PUM3: variants seen among roughly 807,000 people sequenced by gnomAD.
PUM3 encodes pumilio RNA binding family member 3.
Under a neutral mutation model 84.0 loss-of-function variants are expected in PUM3, and 91 were observed. The observed-to-expected ratio is 1.08, with a 90% confidence interval of 0.91 to 1.29. The LOEUF (loss-of-function observed/expected upper bound fraction) is 1.29. Ranked by LOEUF, PUM3 falls within the 50% of genes most tolerant of loss-of-function variation. The pLI, the probability that PUM3 is intolerant of heterozygous loss-of-function variation, is 0.00. For missense variants in PUM3, 1,067 were observed against 767.5 expected (o/e 1.39, Z -4.61); for synonymous variants, 321 against 266.7 (o/e 1.20, Z -1.98).
intron 1 of PUM3, among the ~76,000 whole-genome samples, chr9:2,840,319 G>A (rs1816236030): frequency 6.6e-6 from 1 of 152,120 alleles, no homozygotes; most frequent in African/African-American, 2.4e-5. Flanking sequence ...GGAAAATTAA[G>A]CTCCACTTCC....
intron 12 of PUM3, among the ~76,000 whole-genome samples, chr9:2,822,525 C>G (rs1808649118): frequency 6.6e-6 from 1 of 151,518 alleles, no homozygotes; most frequent in Admixed American, 6.6e-5. Context: ...GTTAAATTAC[C>G]TGACATAAAC....
At chr9:2,822,105 C>T (rs1407794102) in intron 12 of PUM3, among the ~76,000 whole-genome samples, 1 of 152,070 alleles carries the variant, frequency 6.6e-6, no homozygotes, top group East Asian at 1.9e-4. Flanking sequence ...GTGAATACAA[C>T]AGAAGGTGGT....
intron 13 of PUM3, among the ~76,000 whole-genome samples, chr9:2,817,884 A>G (rs1422676218): frequency 6.6e-6 from 1 of 152,156 alleles, no homozygotes; most frequent in African/African-American, 2.4e-5. Context: ...GCAATTGGCT[A>G]GTATACTTAT....
At chr9:2,816,522 C>T (rs1821472889) in intron 13 of PUM3, among the ~76,000 whole-genome samples, 2 of 152,164 alleles carry the variant, frequency 1.3e-5, no homozygotes, top group South Asian at 4.1e-4. Context: ...ATGTAGTTTA[C>T]CTCAATTAAA....
At chr9:2,841,725 A>G (rs1816272007) in intron 1 of PUM3, among the ~76,000 whole-genome samples, 1 of 152,128 alleles carries the variant, frequency 6.6e-6, no homozygotes, top group African/African-American at 2.4e-5. Context: ...AAAAAAAAAA[A>G]AAAAAGGTTC....
In PUM3 at chr9:2,807,842, C is replaced by A. The variant is rs765743362; in HGVS notation, c.1786G>T (p.Val596Leu). ...GMKNLKSWAS[V>L]NRGAIILSSL... ...GAAAGAATAATGGCACCTCGATTTA[C>A]ACTAGCCCAGGACTTCAGGTTCTTC... The change falls in exon 17 of 18, where the codon GTA (valine) becomes TTA (leucine). Residue 596 changes from valine (V) to leucine (L), a missense_variant. Transcript: ENST00000397885. 7.8e-5 allele frequency: 126 copies of A among 1,613,528 alleles called. 2 individuals are homozygous for A. In the South Asian group the frequency reaches 1.4e-3, roughly 17 times the overall value.
chr9:2,835,151 G>A (rs371797688), intron 3 of PUM3, among the ~76,000 whole-genome samples: 12 of 152,092 alleles, frequency 7.9e-5, no homozygotes, highest in Non-Finnish European at 1.5e-4. Flanking sequence ...AGTGGCTCAC[G>A]CCTATAATCC....
intron 16 of PUM3, among the ~76,000 whole-genome samples, 197 bp downstream of exon 16, chr9:2,810,147 A>G (rs1821335654): frequency 1.3e-5 from 2 of 152,146 alleles, no homozygotes. Flanking sequence ...GAAAATTAAA[A>G]GAGTTCTCAG....
rs1191432306 is a variant in PUM3 at position 2,830,955 on chromosome 9, A to G, written c.677+7T>C. ...AAAAAATGTATTTTATACATAAAAC[A>G]ACTTACCCATACATGAGAAATTTCT... On this transcript the variant is annotated splice_region_variant and intron_variant, in intron 7 of 17. Coordinates refer to ENST00000397885, the MANE Select transcript of PUM3 (RefSeq NM_014878.5). The G allele has an allele frequency of 9.0e-6, 12 of 1,338,920 alleles. No individual in the cohort carries two copies. Among genetic ancestry groups the G allele is most frequent in the Non-Finnish European group, 5.3e-6 (5 of 940,230 alleles). The allele number at this position is 1,338,920 out of a possible 1,614,324, so 82.9% of individuals were successfully genotyped here. A position where few individuals can be genotyped will look rare whatever the true frequency, so the allele number is the denominator to read the frequency against.
In PUM3 at chr9:2,816,140, C is replaced by T. The variant is rs941083794; in HGVS notation, c.1270-3778G>A. On this transcript the variant is annotated intron_variant, in intron 13 of 17. Transcript: ENST00000397885. ...CTGAAGACTGAGCCTGTGGTGTCCA[C>T]TCTTACGGTAGTTTGCTATGGGGAC... Among the ~76,000 whole-genome samples the T allele has an allele frequency of 5.9e-5, 9 of 152,314 alleles. 1 individual carries two copies. Among genetic ancestry groups the T allele is most frequent in the Non-Finnish European group, 8.8e-5 (6 of 68,032 alleles).
chr9:2,812,155 G>A, intron 14 of PUM3, 65 bp downstream of exon 14: 4 of 1,395,976 alleles, frequency 2.9e-6, no homozygotes, highest in Middle Eastern at 1.9e-4. Context: ...GTGGACTTCT[G>A]GAAGAATGCA....
At position 2,811,473 on chromosome 9, in the gene PUM3, C is replaced by A. The variant is rs983969962; in HGVS notation, c.1523G>T (p.Cys508Phe). The stretch of plus-strand genomic sequence containing the variant: ...TCCCAGAATGTCAGACACCAACACA[C>A]ACGCAGACTTATCTAGCACCACTTC... The part of the protein sequence containing the change: ...AQEVVLDKSA[C>F]VLVSDILGSA... The change falls in exon 15 of 18, where the codon TGT becomes TTT. Residue 508 changes from cysteine (C) to phenylalanine (F), a missense_variant. Coordinates refer to ENST00000397885, the MANE Select transcript of PUM3 (RefSeq NM_014878.5). 3 of 1,614,202 alleles carry A rather than the reference C, an allele frequency of 1.9e-6. No individual in the cohort carries two copies. The Admixed American group carries it at 5.0e-5, about 27-fold the overall frequency.
At chr9:2,821,590 G>C (rs1753873456) in intron 12 of PUM3, among the ~76,000 whole-genome samples, 1 of 152,122 alleles carries the variant, frequency 6.6e-6, no homozygotes, top group Admixed American at 6.5e-5. Context: ...ATGGGTGATG[G>C]TGAAAACCTC....
intron 12 of PUM3, among the ~76,000 whole-genome samples, chr9:2,820,932 G>A (rs1165804663): frequency 6.6e-6 from 1 of 152,166 alleles, no homozygotes; most frequent in Non-Finnish European, 1.5e-5. Flanking sequence ...TCCAGAGCTT[G>A]TGGCATGAGT....
Position 2,837,421 on chromosome 9 carries a change from T to C in PUM3, c.83-20A>G. The stretch of plus-strand genomic sequence containing the variant: ...CAGAATCTAGTGACAATAATAATTA[T>C]AAGTTCAATGATTCTGGGCCCAAAT... On this transcript the variant is annotated intron_variant, in intron 2 of 17. Transcript: ENST00000397885. The C allele has an allele frequency of 6.6e-7, 1 of 1,505,644 alleles. No homozygotes were observed. The highest frequency in any genetic ancestry group is 9.2e-7 in the Non-Finnish European group (1 of 1,088,040). The allele number at this position is 1,505,644 out of a possible 1,614,324, so 93.3% of individuals were successfully genotyped here.
chr9:2,825,378 AC>A (rs1050050577), intron 10 of PUM3, among the ~76,000 whole-genome samples: 1 of 152,174 alleles, frequency 6.6e-6, no homozygotes, highest in African/African-American at 2.4e-5. Context: ...CTAAGACCTC[AC>A]CTATAAAATG....
chr9:2,807,600 CAAA>C (rs71329449), intron 17 of PUM3, among the ~76,000 whole-genome samples: 1 of 67,114 alleles, frequency 1.5e-5, no homozygotes. Context: ...GACTCCATCT[CAAA>C]AAAAAAAAAA....
At chr9:2,825,702 G>T (rs948857840) in intron 10 of PUM3, among the ~76,000 whole-genome samples, 1 of 152,000 alleles carries the variant, frequency 6.6e-6, no homozygotes, top group Non-Finnish European at 1.5e-5. Flanking sequence ...GGCTGGTCTC[G>T]AACTACTGAC....
intron 17 of PUM3, among the ~76,000 whole-genome samples, chr9:2,806,356 T>G (rs751555200): frequency 1.3e-5 from 2 of 152,332 alleles, no homozygotes; most frequent in East Asian, 3.9e-4. Flanking sequence ...GTAACACTTA[T>G]ATATTTGGAG....
Sources: gnomAD v4.1 joint callset for allele counts (sites outside exome capture counted in the v4.1 genomes callset) on GRCh38, gnomAD v4.1.1 for gene constraint, MANE v1.5 for transcripts, NCBI Gene and HGNC (gene_info 2026-07-23, HGNC 2026-07-21) for gene names.